NRXN1: variants seen among roughly 807,000 people sequenced by gnomAD.
NRXN1 encodes the protein neurexin 1.
A neutral mutation model predicts 150.9 loss-of-function variants in NRXN1; 39 were observed. The observed-to-expected ratio is 0.26, with a 90% CI of 0.20 to 0.34. The LOEUF (loss-of-function observed/expected upper bound fraction) is 0.34, where lower values mean the gene tolerates loss of function less well. NRXN1 is among the 10% of genes least tolerant of loss of function. The pLI is 1.00. For synonymous variants in NRXN1, 924 were observed against 757.0 expected (o/e 1.22, Z -3.62); for missense variants, 1,815 against 1,949.9 (o/e 0.93, Z 1.30).
At chr2:50,634,525 G>T (rs1682938105) in intron 5 of NRXN1, among the ~76,000 whole-genome samples, 1 of 152,084 alleles carries the variant, frequency 6.6e-6, no homozygotes, top group African/African-American at 2.4e-5. Flanking sequence ...AATATAAACA[G>T]AATATTTATG....
At chr2:51,004,390 C>T (rs1341530986) in intron 2 of NRXN1, among the ~76,000 whole-genome samples, 2 of 151,812 alleles carry the variant, frequency 1.3e-5, no homozygotes, top group Non-Finnish European at 2.9e-5. Context: ...TCCCTTTTGA[C>T]AATATTTTGT....
At chr2:50,218,489 T>C (rs1489981833) in intron 18 of NRXN1, among the ~76,000 whole-genome samples, 1 of 125,744 alleles carries the variant, frequency 8.0e-6, no homozygotes, top group African/African-American at 3.0e-5. Context: ...GTTAGCACCT[T>C]CTTTTTTTTT....
chr2:50,271,278 G>A (rs1296596647), intron 17 of NRXN1, among the ~76,000 whole-genome samples: 7 of 152,054 alleles, frequency 4.6e-5, no homozygotes, highest in African/African-American at 1.7e-4. Context: ...ATTTAAAGAG[G>A]ACAGAATGTT....
chr2:49,977,935 G>A (rs184556457), intron 21 of NRXN1, among the ~76,000 whole-genome samples: 161 of 152,152 alleles, frequency 1.1e-3, no homozygotes, highest in African/African-American at 3.7e-3. Context: ...ATGCTGAGTC[G>A]AGTGGATCAC....
rs1460814018 is a variant in NRXN1, at chr2:50,019,770, C to A, written c.4128+33501G>T. Among the ~76,000 whole-genome samples, 16 of 150,050 alleles carry A rather than the reference C, an allele frequency of 1.1e-4. 1 individual carries two copies. The South Asian group carries it at 1.9e-3, about 18-fold the overall frequency. On this transcript the variant is annotated intron_variant, in intron 21 of 22. Coordinates refer to ENST00000401669, the MANE Select transcript of NRXN1 (RefSeq NM_001330078.2). Reference sequence around the variant, plus strand: ...GACCATTCTGGCTAACACGGTGAAACCCCGTCTCTACTAAAAAAATACAAA... The same window carrying A: ...GACCATTCTGGCTAACACGGTGAAAACCCGTCTCTACTAAAAAAATACAAA...
At chr2:50,602,898 A>C (rs1050377885) in intron 8 of NRXN1, among the ~76,000 whole-genome samples, 1 of 152,082 alleles carries the variant, frequency 6.6e-6, no homozygotes, top group Non-Finnish European at 1.5e-5. Context: ...TCTTTAATGG[A>C]CTCCAGCCCT....
At chr2:50,631,111 G>A in intron 5 of NRXN1, 1 of 450,554 alleles carries the variant, frequency 2.2e-6, no homozygotes, top group Non-Finnish European at 4.5e-6. Flanking sequence ...ACTTTCAAGG[G>A]AGAGTAGTTC....
chr2:50,938,012 C>T (rs1001262077), intron 2 of NRXN1, among the ~76,000 whole-genome samples: 18 of 151,966 alleles, frequency 1.2e-4, no homozygotes, highest in Non-Finnish European at 2.4e-4. Context: ...CTGTAGACAA[C>T]TGTCATACAA....
intron 17 of NRXN1, among the ~76,000 whole-genome samples, chr2:50,427,810 C>A (rs2084624378): frequency 6.6e-6 from 1 of 152,158 alleles, no homozygotes; most frequent in East Asian, 1.9e-4. Flanking sequence ...TTAAAAATTT[C>A]ATGTCTTATC....
chr2:50,384,203 T>C (rs2081160639), intron 17 of NRXN1, among the ~76,000 whole-genome samples: 1 of 152,160 alleles, frequency 6.6e-6, no homozygotes, highest in African/African-American at 2.4e-5. Context: ...AAAATTATGA[T>C]GGCTTTAAAC....
intron 21 of NRXN1, 39 bp downstream of exon 21, chr2:50,053,232 T>C (rs1693017892): frequency 1.2e-6 from 2 of 1,601,418 alleles, no homozygotes; most frequent in Non-Finnish European, 1.7e-6. Context: ...TCATAAATAA[T>C]ATAGGATGAA....
chr2:50,135,197 A>G (rs1455983332), intron 18 of NRXN1, among the ~76,000 whole-genome samples: 2 of 152,226 alleles, frequency 1.3e-5, no homozygotes, highest in African/African-American at 4.8e-5. Flanking sequence ...TTGAATACAT[A>G]TTTATTGAGG....
chr2:50,004,251 G>A (rs920720044), intron 21 of NRXN1, among the ~76,000 whole-genome samples: 3 of 152,044 alleles, frequency 2.0e-5, no homozygotes, highest in Non-Finnish European at 2.9e-5. Context: ...ACACTCTTGT[G>A]AGTAAGGAAA....
intron 2 of NRXN1, among the ~76,000 whole-genome samples, chr2:50,966,264 G>T (rs1162574991): frequency 6.6e-6 from 1 of 151,068 alleles, no homozygotes; most frequent in African/African-American, 2.4e-5. Context: ...GTCAGGTGCT[G>T]GAAATTCTTA....
chr2:50,116,354 A>C (rs542958190), intron 18 of NRXN1, among the ~76,000 whole-genome samples: 1 of 152,120 alleles, frequency 6.6e-6, no homozygotes, highest in Non-Finnish European at 1.5e-5. Flanking sequence ...TTGAGTCAGC[A>C]GTAAGAAACA....
In NRXN1 at chr2:50,496,105, A is replaced by C. The variant is rs1314718620; in HGVS notation, c.2880-10T>G. 2 of 1,581,716 alleles carry C rather than the reference A, an allele frequency of 1.3e-6. No homozygotes were observed. Among genetic ancestry groups the C allele is most frequent in the East Asian group, 2.3e-5 (1 of 43,854 alleles). On this transcript the variant is annotated splice_polypyrimidine_tract_variant and intron_variant, in intron 14 of 22. Coordinates refer to ENST00000401669, the MANE Select transcript of NRXN1 (RefSeq NM_001330078.2). ...CACGTAATGTAAGTACCTGGGAAAA[A>C]AATGAAAGAGGGGAAAGTGCCATCA...
intron 5 of NRXN1, among the ~76,000 whole-genome samples, chr2:50,712,360 T>C (rs1371387162): frequency 6.6e-6 from 1 of 152,130 alleles, no homozygotes; most frequent in Non-Finnish European, 1.5e-5. Flanking sequence ...CAAACTTACA[T>C]TACAAAACCT....
chr2:50,936,380 T>A (rs139472036), intron 2 of NRXN1, among the ~76,000 whole-genome samples: 3 of 152,256 alleles, frequency 2.0e-5, no homozygotes, highest in African/African-American at 7.2e-5. Context: ...CTATCTTATA[T>A]CTTGTACTAC....
At chr2:50,885,748 A>G (rs1680133809) in intron 5 of NRXN1, among the ~76,000 whole-genome samples, 2 of 151,266 alleles carry the variant, frequency 1.3e-5, no homozygotes, top group African/African-American at 4.8e-5. Flanking sequence ...AAAATAATCT[A>G]AATTAAGAAC....
Sources: allele counts gnomAD v4.1 joint callset (sites outside exome capture counted in the v4.1 genomes callset), GRCh38; gene constraint gnomAD v4.1.1; transcripts MANE v1.5; gene names NCBI Gene and HGNC (gene_info 2026-07-23, HGNC 2026-07-21).